The following EPB41L5 variants were observed in gnomAD, a reference collection of about 807,000 sequenced individuals.
EPB41L5 encodes the protein band 4.1-like protein 5.
A neutral mutation model predicts 106.6 loss-of-function variants in EPB41L5; 55 were observed. The observed-to-expected ratio is 0.52, with a 90% CI of 0.42 to 0.65. The LOEUF is 0.65. EPB41L5 is among the 30% of genes least tolerant of loss of function. EPB41L5 has a pLI of 0.00. For synonymous variants in EPB41L5, 297 were observed against 306.7 expected, an observed-to-expected ratio of 0.97 and a Z score of 0.33; for missense variants, 871 against 882.1, an observed-to-expected ratio of 0.99 and a Z score of 0.16.
At chr2:120,086,880 G>T (rs896518050) in intron 10 of EPB41L5, among the ~76,000 whole-genome samples, 1 of 152,044 alleles carries the variant, frequency 6.6e-6, no homozygotes, top group Admixed American at 6.6e-5. Context: ...TAGACCTAAA[G>T]AATCTCTTAC....
rs375813191 is a variant in EPB41L5 at position 120,167,866 on chromosome 2, A to G, written c.2005-11A>G. On this transcript the variant is annotated splice_polypyrimidine_tract_variant and intron_variant, in intron 23 of 24. Transcript: ENST00000263713. ...TTACCCTGTATTTAGTTGTGTGTGT[A>G]TCTCCCACAGCAGAGTGGTGCCATG... The G allele has an allele frequency of 1.2e-5, 19 of 1,614,006 alleles. No homozygotes were observed. The highest frequency in any genetic ancestry group is 3.3e-4 in the Middle Eastern group (2 of 6,084).
At chr2:120,104,092 G>C (rs897960297) in intron 16 of EPB41L5, 14 of 1,535,106 alleles carry the variant, frequency 9.1e-6, no homozygotes, top group Admixed American at 2.0e-5. Context: ...TGTCAACGTG[G>C]TGGAAACCAG....
chr2:120,125,732 G>A (rs538564815), intron 16 of EPB41L5, among the ~76,000 whole-genome samples: 23 of 152,238 alleles, frequency 1.5e-4, no homozygotes, highest in African/African-American at 5.5e-4. Context: ...ATGGCCTGAT[G>A]TGGTGCTCTA....
chr2:120,175,136 C>A lies in EPB41L5; in HGVS notation c.*229C>A. ...AGTGTTTGGTCTTGAACTTTCTATA[C>A]TTTTATAAATGTTACAAATTCCCGA... On this transcript the variant is annotated 3_prime_UTR_variant, in exon 25 of 25. Transcript: ENST00000263713. 2.0e-6 allele frequency: 1 copy of A among 501,626 alleles called. No individual in the cohort carries two copies. Among genetic ancestry groups the A allele is most frequent in the Non-Finnish European group, 3.6e-6 (1 of 276,300 alleles). 31.1% of individuals were successfully genotyped at this position (501,626 alleles called of 1,614,324 possible). A position where few individuals can be genotyped will look rare whatever the true frequency, so the allele number is the denominator to read the frequency against.
chr2:120,120,538 ATTG>A (rs1457122290), intron 16 of EPB41L5, among the ~76,000 whole-genome samples: 1 of 151,930 alleles, frequency 6.6e-6, no homozygotes, highest in Non-Finnish European at 1.5e-5. Context: ...ACACCCTAGG[ATTG>A]TTTAATTCTA....
In EPB41L5 at chr2:120,073,982, A is replaced by T. The variant is rs947054725; in HGVS notation, c.329-118A>T. ...GAAGCCTATGATCTAACCTGCAATA[A>T]TGCCATAAAAACCTCATCTTTTGTC... is the stretch of plus-strand genomic sequence containing the variant. On this transcript the variant is annotated intron_variant, in intron 4 of 24. Transcript: ENST00000263713. 9.9e-6 allele frequency: 7 copies of T among 705,002 alleles called. No homozygotes were observed. The African/African-American group carries it at 1.3e-4, about 13-fold the overall frequency. The allele number at this position is 705,002 out of a possible 1,614,324, so 43.7% of individuals were successfully genotyped here. A position where few individuals can be genotyped will look rare whatever the true frequency, so the allele number is the denominator to read the frequency against.
chr2:120,053,379 C>T (rs1680418944), intron 3 of EPB41L5, among the ~76,000 whole-genome samples: 1 of 152,122 alleles, frequency 6.6e-6, no homozygotes, highest in African/African-American at 2.4e-5. Context: ...TAAAGTTCAC[C>T]ATTTTAGATT....
At chr2:120,172,802 A>C (rs1386914400) in intron 24 of EPB41L5, among the ~76,000 whole-genome samples, 1 of 152,210 alleles carries the variant, frequency 6.6e-6, no homozygotes, top group African/African-American at 2.4e-5. Flanking sequence ...GATCCTGTCC[A>C]GATTCAAAAA....
intron 20 of EPB41L5, among the ~76,000 whole-genome samples, chr2:120,158,444 C>T (rs1320770725): frequency 6.6e-6 from 1 of 152,160 alleles, no homozygotes; most frequent in African/African-American, 2.4e-5. Context: ...ATATGAAAAT[C>T]AATAAATGTG....
Position 120,042,013 on chromosome 2 carries a change from C to T in EPB41L5, c.188C>T (p.Ala63Val), listed in dbSNP as rs753348508. 1.2e-6 allele frequency: 2 copies of T among 1,606,986 alleles called. No homozygotes were observed. The highest frequency in any genetic ancestry group is 1.7e-5 in the Admixed American group (1 of 59,326). Residue 63 changes from alanine to valine, a missense_variant, in exon 3 of 25, where the codon GCC becomes GTC. Transcript: ENST00000263713. ...TDVSVDLPKKAKGQELFDQIM... is the reference protein window; with the variant it reads ...TDVSVDLPKKVKGQELFDQIM... ...ATTATCTTGCCATTTCAGAAAAAAG[C>T]CAAAGGACAAGAGTTGTTTGATCAG... is the stretch of plus-strand genomic sequence containing the variant.
intron 3 of EPB41L5, among the ~76,000 whole-genome samples, chr2:120,060,935 C>T (rs1455777455): frequency 1.3e-5 from 2 of 149,944 alleles, no homozygotes; most frequent in South Asian, 2.1e-4. Context: ...AACCATGTCT[C>T]GGGAGCAAAA....
intron 3 of EPB41L5, among the ~76,000 whole-genome samples, chr2:120,066,100 G>C (rs1681426503): frequency 6.6e-6 from 1 of 151,700 alleles, no homozygotes; most frequent in African/African-American, 2.4e-5. Flanking sequence ...GCAGAGACTG[G>C]GGGGAACTGA....
intron 10 of EPB41L5, among the ~76,000 whole-genome samples, chr2:120,083,874 T>C (rs1157752432): frequency 6.6e-6 from 1 of 152,236 alleles, no homozygotes; most frequent in Non-Finnish European, 1.5e-5. Flanking sequence ...TTGTCTCTTT[T>C]GATCTTTGTT....
intron 10 of EPB41L5, among the ~76,000 whole-genome samples, chr2:120,083,723 G>T (rs1024275837): frequency 3.9e-5 from 6 of 152,248 alleles, no homozygotes; most frequent in Non-Finnish European, 8.8e-5. Context: ...CCACATTATT[G>T]TGTGGGAGTC....
At position 120,167,484 on chromosome 2, in the gene EPB41L5, A is replaced by G. The variant is rs766896474; in HGVS notation, c.1981A>G (p.Ile661Val). 8 of 1,613,850 alleles carry G rather than the reference A, an allele frequency of 5.0e-6. No homozygotes were observed. Among genetic ancestry groups the G allele is most frequent in the Non-Finnish European group, 6.8e-6 (8 of 1,179,878 alleles). Reference protein sequence around the residue: ...VAPQVSSTSMITPRWIVPQSG... With the variant: ...VAPQVSSTSMVTPRWIVPQSG... The stretch of plus-strand genomic sequence containing the variant: ...ATTTCAGGTGTCTTCCACATCCATG[A>G]TCACACCCCGGTGGATTGTTCCGGT... The change falls in exon 23 of 25, where the codon ATC becomes GTC. Residue 661 changes from isoleucine to valine, a missense_variant. Physicochemically the swap from Ile to Val is conservative, Grantham distance 29 (BLOSUM62 3). Coordinates refer to ENST00000263713, the MANE Select transcript of EPB41L5 (RefSeq NM_020909.4).
chr2:120,087,187 T>G lies in EPB41L5; in HGVS notation c.820T>G (p.Leu274Val). 1 of 1,586,106 alleles carries G rather than the reference T, an allele frequency of 6.3e-7. No homozygotes were observed. Among genetic ancestry groups the G allele is most frequent in the East Asian group, 2.2e-5 (1 of 44,618 alleles). Residue 274 changes from leucine to valine, a missense_variant, in exon 11 of 25, where the codon TTG becomes GTG. Transcript: ENST00000263713. ...GLFFWPKITRLDFKKNKLTLV... is the reference protein window; with the variant it reads ...GLFFWPKITRVDFKKNKLTLV... ...ATATTATAGGCCGAAGATAACCAGATTGGATTTTAAGAAGAATAAATTAAC... is the reference window on the plus strand; with the variant it reads ...ATATTATAGGCCGAAGATAACCAGAGTGGATTTTAAGAAGAATAAATTAAC...
At chr2:120,081,448 G>T (rs934521495) in intron 10 of EPB41L5, among the ~76,000 whole-genome samples, 2 of 152,180 alleles carry the variant, frequency 1.3e-5, no homozygotes, top group African/African-American at 4.8e-5. Flanking sequence ...CGAGGGCTCT[G>T]TTCTGTTCCA....
intron 3 of EPB41L5, among the ~76,000 whole-genome samples, chr2:120,065,027 G>A (rs541896544): frequency 1.3e-5 from 2 of 152,292 alleles, no homozygotes; most frequent in African/African-American, 4.8e-5. Context: ...GCAGGTATTA[G>A]AAACTATTAT....
chr2:120,102,259 T>A (rs1402858768), intron 16 of EPB41L5, among the ~76,000 whole-genome samples: 1 of 152,220 alleles, frequency 6.6e-6, no homozygotes, highest in Non-Finnish European at 1.5e-5. Flanking sequence ...AGGTACTACT[T>A]GGTTTCTTTG....
Sources: allele counts gnomAD v4.1 joint callset (sites outside exome capture counted in the v4.1 genomes callset), GRCh38; gene constraint gnomAD v4.1.1; transcripts MANE v1.5; gene names NCBI Gene and HGNC (gene_info 2026-07-23, HGNC 2026-07-21).